STIL: variants seen among roughly 807,000 people sequenced by gnomAD.
STIL encodes STIL centriolar assembly protein.
A neutral mutation model predicts 110.1 loss-of-function variants in STIL; 55 were observed. The observed-to-expected ratio is 0.50, with a 90% CI of 0.40 to 0.63. The LOEUF (loss-of-function observed/expected upper bound fraction) is 0.63, where lower values mean the gene tolerates loss of function less well. Ranked by LOEUF, STIL falls within the 20% of genes least tolerant of loss-of-function variation. The probability of loss-of-function intolerance (pLI) is 0.00; values close to 1 mark genes in which losing one functional copy is unlikely to be tolerated. For synonymous variants in STIL, 481 were observed against 530.0 expected (o/e 0.91, Z 1.27); for missense variants, 1,358 against 1,530.0 (o/e 0.89, Z 1.87).
At chr1:47,269,310 A>C (rs906011275) in intron 14 of STIL, among the ~76,000 whole-genome samples, 5 of 152,192 alleles carry the variant, frequency 3.3e-5, no homozygotes, top group Non-Finnish European at 5.9e-5. Flanking sequence ...AAAAGAAAAT[A>C]CCAGTTAGAA....
chr1:47,278,753 C>T (rs1645061247), intron 12 of STIL, among the ~76,000 whole-genome samples: 1 of 151,640 alleles, frequency 6.6e-6, no homozygotes, highest in South Asian at 2.1e-4. Context: ...ATCACTTGAG[C>T]TGAGGAGTTC....
chr1:47,295,842 A>G lies in STIL; in HGVS notation c.708T>C (p.Leu236=), dbSNP rs886046392. ...ACAATTTGCGTGTTTCATCCATGGTAAGATATCTAAACAGAAGACATTCAT... is the reference window on the plus strand; with the variant it reads ...ACAATTTGCGTGTTTCATCCATGGTGAGATATCTAAACAGAAGACATTCAT... ...QVQGTYKYGY[L]TMDETRKLLL... is the part of the protein sequence containing the mutation. Residue 236 remains leucine (L), a synonymous_variant, in exon 7 of 17, where the codon CTT becomes CTC. Coordinates refer to ENST00000371877, the MANE Select transcript of STIL (RefSeq NM_001048166.1). 6.2e-7 allele frequency: 1 copy of G among 1,608,992 alleles called. No homozygotes were observed. Among genetic ancestry groups the G allele is most frequent in the Non-Finnish European group, 8.5e-7 (1 of 1,175,768 alleles).
intron 7 of STIL, among the ~76,000 whole-genome samples, chr1:47,295,546 C>G (rs922293893): frequency 3.9e-5 from 6 of 152,086 alleles, no homozygotes; most frequent in Non-Finnish European, 8.8e-5. Context: ...CTCCACTGCA[C>G]TCCAGTCTGG....
Position 47,260,431 on chromosome 1 carries a change from T to C in STIL, c.2938A>G (p.Thr980Ala), listed in dbSNP as rs78932355. ...CTTGAATGATGTGTTTTTTTCTTTGTATGGTAAACGTTTTGGGTTCTGGTG... is the reference window on the plus strand; with the variant it reads ...CTTGAATGATGTGTTTTTTTCTTTGCATGGTAAACGTTTTGGGTTCTGGTG... ...ECTRTQNVYHTKKKTHHSRLV... is the reference protein window; with the variant it reads ...ECTRTQNVYHAKKKTHHSRLV... The change falls in exon 16 of 17, where the codon ACA becomes GCA. Residue 980 changes from threonine to alanine, a missense_variant. Thr to Ala is a moderately conservative substitution (Grantham distance 58). Transcript: ENST00000371877. 112 of 1,614,192 alleles carry C rather than the reference T, an allele frequency of 6.9e-5. No homozygotes were observed. The East Asian group carries it at 1.7e-3, about 24-fold the overall frequency.
chr1:47,258,577 C>CA (rs144974775), intron 16 of STIL, among the ~76,000 whole-genome samples: 14 of 151,870 alleles, frequency 9.2e-5, no homozygotes, highest in African/African-American at 2.7e-4. Context: ...AAAACAAAAA[C>CA]AAAAAAACAG....
At chr1:47,305,819 G>A (rs141913085) in intron 2 of STIL, among the ~76,000 whole-genome samples, 1,797 of 128,372 alleles carry the variant, frequency 0.014, 42 homozygotes, top group African/African-American at 0.049. Context: ...TGCAACCTCC[G>A]CCTCTGGGTT....
chr1:47,292,880 T>C (rs1197380960), intron 8 of STIL, among the ~76,000 whole-genome samples: 1 of 152,134 alleles, frequency 6.6e-6, no homozygotes, highest in African/African-American at 2.4e-5. Flanking sequence ...CCACCCAAGG[T>C]AGATAAAAAT....
Position 47,260,489 on chromosome 1 carries a change from C to A in STIL, c.2880G>T (p.Pro960=). Reference sequence around the variant, plus strand: ...GACTGATAATTACTGCTTTGGTAGACGGCTGCTCAGTTTCCTTGGAGGAAC... The same window carrying A: ...GACTGATAATTACTGCTTTGGTAGAAGGCTGCTCAGTTTCCTTGGAGGAAC... ...LNSSSKETEQ[P]STKAVIISHE... The change falls in exon 16 of 17, where the codon CCG becomes CCT. Residue 960 remains proline, a synonymous_variant. Transcript: ENST00000371877. The A allele has an allele frequency of 6.2e-7, 1 of 1,614,090 alleles. No individual in the cohort carries two copies. The highest frequency in any genetic ancestry group is 2.2e-5 in the East Asian group (1 of 44,878).
intron 5 of STIL, 72 bp downstream of exon 5, chr1:47,301,489 C>A (rs1275836040): frequency 2.1e-6 from 3 of 1,418,496 alleles, no homozygotes; most frequent in Non-Finnish European, 3.0e-6. Flanking sequence ...TATGGTTTTA[C>A]TAAAATACAG....
intron 5 of STIL, among the ~76,000 whole-genome samples, chr1:47,301,171 G>A (rs141263039): frequency 6.1e-4 from 92 of 152,052 alleles, no homozygotes; most frequent in East Asian, 1.9e-3. Context: ...TCAACCTCCC[G>A]GGCTCAAGCA....
intron 12 of STIL, among the ~76,000 whole-genome samples, chr1:47,275,524 T>G (rs1422890569): frequency 6.6e-6 from 1 of 151,520 alleles, no homozygotes; most frequent in Non-Finnish European, 1.5e-5. Flanking sequence ...AGGAGAATGG[T>G]GTGAACCCGG....
intron 16 of STIL, 126 bp from the exon 17 acceptor site, chr1:47,252,048 C>T (rs1644199556): frequency 4.2e-6 from 4 of 956,802 alleles, no homozygotes; most frequent in Non-Finnish European, 6.1e-6. Flanking sequence ...TTTTATCTAA[C>T]TACTCAGACA....
intron 10 of STIL, among the ~76,000 whole-genome samples, chr1:47,284,473 C>G (rs1316669802): frequency 6.6e-6 from 1 of 152,188 alleles, no homozygotes; most frequent in Admixed American, 6.5e-5. Flanking sequence ...ATCCTCCTAC[C>G]TCAGCCTTCT....
At chr1:47,270,251 T>TACACAC (rs1223004051) in intron 13 of STIL, among the ~76,000 whole-genome samples, 8,551 of 118,684 alleles carry the variant, frequency 0.072, 410 homozygotes, top group Non-Finnish European at 0.098. Flanking sequence ...AATATATATA[T>TACACAC]ATATACACAC....
chr1:47,292,753 T>C (rs995546432), intron 8 of STIL, among the ~76,000 whole-genome samples: 41 of 152,230 alleles, frequency 2.7e-4, no homozygotes, highest in African/African-American at 9.6e-4. Flanking sequence ...CCTCTGAGAA[T>C]GGGGTCTAGG....
rs759881387 is a variant in STIL, at chr1:47,280,544, T to C, written c.1914A>G (p.Gln638=). The C allele has an allele frequency of 2.6e-5, 42 of 1,614,148 alleles. No individual in the cohort carries two copies. Among genetic ancestry groups the C allele is most frequent in the African/African-American group, 2.7e-5 (2 of 74,944 alleles). ...CACTTGGGTGAAATAATGAATGCTT[T>C]TGAAGGGCTTCAGACTGGACATCTT... ...SIQDVQSEAL[Q]KHSLFHPSGC... The change falls in exon 12 of 17, where the codon CAA becomes CAG. Residue 638 remains glutamine, a synonymous_variant. Coordinates refer to ENST00000371877, the MANE Select transcript of STIL (RefSeq NM_001048166.1).
intron 12 of STIL, among the ~76,000 whole-genome samples, chr1:47,278,872 AC>A (rs1645065846): frequency 6.6e-6 from 1 of 152,176 alleles, no homozygotes; most frequent in Admixed American, 6.5e-5. Context: ...GTTTAAAAAA[AC>A]AGCAGAGCTA....
chr1:47,258,582 A>G (rs1033639568), intron 16 of STIL, among the ~76,000 whole-genome samples: 1 of 152,152 alleles, frequency 6.6e-6, no homozygotes, highest in Non-Finnish European at 1.5e-5. Context: ...AAAAACAAAA[A>G]AACAGGCCAG....
Position 47,287,723 on chromosome 1 carries a change from T to C in STIL, c.1024-63A>G, listed in dbSNP as rs988533455. 5.3e-6 allele frequency: 7 copies of C among 1,322,788 alleles called. No individual in the cohort carries two copies. The African/African-American group carries it at 8.7e-5, about 16-fold the overall frequency. 81.9% of individuals were successfully genotyped at this position (1,322,788 alleles called of 1,614,324 possible). A position where few individuals can be genotyped will look rare whatever the true frequency, so the allele number is the denominator to read the frequency against. ...AATAAGAACACCAGAGAATTCTATTTAGATGAAAAGTAGCTCTGAAACACT... is the reference window on the plus strand; with the variant it reads ...AATAAGAACACCAGAGAATTCTATTCAGATGAAAAGTAGCTCTGAAACACT... On this transcript the variant is annotated intron_variant, in intron 9 of 16. Coordinates refer to ENST00000371877, the MANE Select transcript of STIL (RefSeq NM_001048166.1).
Sources: gnomAD v4.1 joint callset for allele counts (sites outside exome capture counted in the v4.1 genomes callset) on GRCh38, gnomAD v4.1.1 for gene constraint, MANE v1.5 for transcripts, NCBI Gene and HGNC (gene_info 2026-07-23, HGNC 2026-07-21) for gene names.